The following CPXM2 variants were observed in gnomAD, a reference collection of about 807,000 sequenced individuals.
The protein encoded by CPXM2 is carboxypeptidase X, M14 family member 2.
CPXM2 carries 66 observed loss-of-function variants against 86.1 expected under a neutral mutation model. The observed-to-expected ratio is 0.77, with a 90% CI of 0.63 to 0.94. The LOEUF (loss-of-function observed/expected upper bound fraction) is 0.94. Among genes scored for constraint, CPXM2 ranks in the 40% least tolerant of loss-of-function variants. CPXM2 has a pLI of 0.00. For synonymous variants in CPXM2, 388 were observed against 400.2 expected (o/e 0.97, Z 0.36); for missense variants, 948 against 1,026.3 (o/e 0.92, Z 1.04).
intron 3 of CPXM2, among the ~76,000 whole-genome samples, chr10:123,844,037 G>A (rs567076774): frequency 6.6e-6 from 1 of 152,186 alleles, no homozygotes; most frequent in East Asian, 1.9e-4. Context: ...AGTGTCAGGG[G>A]AATGGAGAGC....
intron 2 of CPXM2, among the ~76,000 whole-genome samples, chr10:123,909,395 C>T (rs1315027048): frequency 6.6e-6 from 1 of 152,200 alleles, no homozygotes; most frequent in African/African-American, 2.4e-5. Context: ...ACACTCTTTG[C>T]CAAAATCTGT....
At chr10:123,815,742 C>T (rs1847801044) in intron 4 of CPXM2, among the ~76,000 whole-genome samples, 1 of 152,170 alleles carries the variant, frequency 6.6e-6, no homozygotes, top group Non-Finnish European at 1.5e-5. Context: ...AAAGTCCTGG[C>T]AGGCCCCTAG....
At chr10:123,807,587 C>A (rs1847607600) in intron 4 of CPXM2, among the ~76,000 whole-genome samples, 1 of 152,118 alleles carries the variant, frequency 6.6e-6, no homozygotes, top group Non-Finnish European at 1.5e-5. Context: ...CTGGAAATTT[C>A]AAGAGAGTGT....
intron 3 of CPXM2, among the ~76,000 whole-genome samples, chr10:123,846,186 TATTATTATTAAATTGTA>T (rs1396068213): frequency 6.6e-6 from 1 of 152,200 alleles, no homozygotes; most frequent in African/African-American, 2.4e-5. Flanking sequence ...ACTTTATTTC[TATTATTATTAAATTGTA>T]ATATATAATG....
rs574431431 is a variant in CPXM2 at position 123,891,462 on chromosome 10, C to T, written c.198G>A (p.Gly66=). The T allele has an allele frequency of 3.3e-5, 51 of 1,550,092 alleles. No homozygotes were observed. In the African/African-American group the frequency reaches 6.6e-4, roughly 20 times the overall value. ...TFSPPLPAGP[G]EEWERRPQEP... is the part of the protein sequence containing the mutation. ...CCTGCGGGCGCCGCTCCCACTCCTC[C>T]CCGGGCCCCGCAGGCAGCGGCGGAG... is the stretch of plus-strand genomic sequence containing the variant. Residue 66 remains glycine, a synonymous_variant, in exon 1 of 14, where the codon GGG becomes GGA. Coordinates refer to ENST00000241305, the MANE Select transcript of CPXM2 (RefSeq NM_198148.3). The surrounding 1 kb of genome is among the most constrained non-coding windows in gnomAD (Gnocchi z 5.6).
At chr10:123,808,405 G>GA (rs11440961) in intron 4 of CPXM2, among the ~76,000 whole-genome samples, 4,317 of 151,406 alleles carry the variant, frequency 0.029, 200 homozygotes, top group African/African-American at 0.1. Context: ...GCTGTTAGCT[G>GA]AAAAAAAGAA....
chr10:123,931,998 A>G (rs1455439316), intron 2 of CPXM2, among the ~76,000 whole-genome samples: 3 of 152,218 alleles, frequency 2.0e-5, no homozygotes, highest in Admixed American at 6.5e-5. Context: ...GTCAGTATAC[A>G]GAGTATAAGT....
chr10:123,757,221 T>C lies in CPXM2; in HGVS notation c.1909A>G (p.Met637Val). 6.2e-7 allele frequency: 1 copy of C among 1,614,100 alleles called. No homozygotes were observed. The change falls in exon 12 of 14, where the codon ATG (methionine) becomes GTG (valine). Residue 637 changes from methionine (M) to valine (V), a missense_variant. Physicochemically the swap from Met to Val is conservative, Grantham distance 21 (BLOSUM62 1). Transcript: ENST00000241305. ...ACACACCCGCAATATACCTGCTCCA[T>C]GAACACGATCAGAGATTCCCGGTTA... ...ENNRESLIVF[M>V]EQVHRGIKGL...
chr10:123,797,337 C>A (rs2134065534), intron 6 of CPXM2, among the ~76,000 whole-genome samples: 1 of 152,336 alleles, frequency 6.6e-6, no homozygotes, highest in South Asian at 2.1e-4. Context: ...CGTGTTCTCC[C>A]AAATTTCAAC....
upstream of CPXM2, among the ~76,000 whole-genome samples, chr10:123,895,371 G>A (rs146288672): frequency 3.5e-3 from 537 of 152,102 alleles, 1 homozygote; most frequent in African/African-American, 0.012. Context: ...TGATCCACCC[G>A]CCTTGGCCTC....
intron 1 of CPXM2, among the ~76,000 whole-genome samples, chr10:123,887,926 T>C (rs1406558917): frequency 6.6e-6 from 1 of 152,180 alleles, no homozygotes; most frequent in Non-Finnish European, 1.5e-5. Flanking sequence ...TTCCATTCTG[T>C]TTAATATATT....
intron 9 of CPXM2, 161 bp downstream of exon 9, chr10:123,768,365 C>T (rs1846536891): frequency 2.7e-6 from 1 of 373,564 alleles, no homozygotes; most frequent in Non-Finnish European, 4.4e-6. Flanking sequence ...CAGAGGGAGA[C>T]TCCGACTCAA....
At chr10:123,854,425 T>TTTATATATA (rs1848674965) in intron 3 of CPXM2, among the ~76,000 whole-genome samples, 1 of 116,416 alleles carries the variant, frequency 8.6e-6, no homozygotes, top group Non-Finnish European at 1.7e-5. Context: ...AAATATATAA[T>TTTATATATA]ATATATATAA....
At chr10:123,844,793 A>T (rs1158226842) in intron 3 of CPXM2, among the ~76,000 whole-genome samples, 1 of 152,220 alleles carries the variant, frequency 6.6e-6, no homozygotes, top group East Asian at 1.9e-4. Flanking sequence ...AAAACAGCAC[A>T]ATAAGAAGCA....
rs1209975967 is a variant in CPXM2, at chr10:123,797,438, C to T, written c.889+538G>A. Reference sequence around the variant, plus strand: ...CACTTGGCAAGGGACTTTAGTAGCCCGATTGTTCACTGTGCTTCCCAGTGG... The same window carrying T: ...CACTTGGCAAGGGACTTTAGTAGCCTGATTGTTCACTGTGCTTCCCAGTGG... On this transcript the variant is annotated intron_variant, in intron 6 of 13. Coordinates refer to ENST00000241305, the MANE Select transcript of CPXM2 (RefSeq NM_198148.3). Among the ~76,000 whole-genome samples the T allele has an allele frequency of 3.9e-5, 6 of 152,096 alleles. No homozygotes were observed. The East Asian group carries it at 5.8e-4, about 15-fold the overall frequency.
intron 6 of CPXM2, among the ~76,000 whole-genome samples, chr10:123,789,946 G>A (rs559240094): frequency 3.9e-4 from 59 of 152,130 alleles, no homozygotes; most frequent in East Asian, 3.9e-3. Flanking sequence ...GTGAAACCCC[G>A]TCTCTACTAA....
chr10:123,934,637 A>C (rs1431966262), intron 2 of CPXM2, among the ~76,000 whole-genome samples: 1 of 152,092 alleles, frequency 6.6e-6, no homozygotes, highest in Non-Finnish European at 1.5e-5. Context: ...AACCCACTGT[A>C]AACCCCAAGA....
intron 9 of CPXM2, among the ~76,000 whole-genome samples, chr10:123,767,663 C>T (rs1846511197): frequency 6.6e-6 from 1 of 152,178 alleles, no homozygotes; most frequent in East Asian, 1.9e-4. Flanking sequence ...CCATTTTATT[C>T]CCAGGTATTG....
chr10:123,785,933 C>T lies in CPXM2; in HGVS notation c.890-5678G>A, dbSNP rs192827789. On this transcript the variant is annotated intron_variant, in intron 6 of 13. Transcript: ENST00000241305. ...CAGGTGTAAGCCACCGCGCCCAGCC[C>T]ACTTTAGCTTCTTAAGGATCACAGC... 2.8e-3 allele frequency among the ~76,000 whole-genome samples: 432 copies of T among 152,224 alleles called. 2 individuals are homozygous for T. Among genetic ancestry groups the T allele is most frequent in the Non-Finnish European group, 4.6e-3 (316 of 68,008 alleles).
Sources: gnomAD v4.1 joint callset for allele counts (sites outside exome capture counted in the v4.1 genomes callset) on GRCh38, gnomAD v4.1.1 for gene constraint, Gnocchi (gnomAD v3.1) non-coding constraint, MANE v1.5 for transcripts, NCBI Gene and HGNC (gene_info 2026-07-23, HGNC 2026-07-21) for gene names.